The following PRKG1 variants were observed in gnomAD, a reference collection of about 807,000 sequenced individuals.
PRKG1 encodes cGMP-dependent protein kinase 1.
A neutral mutation model predicts 88.1 loss-of-function variants in PRKG1; 35 were observed. That is an observed-to-expected ratio of 0.40 (90% CI 0.30 to 0.53). PRKG1 has a LOEUF of 0.53. PRKG1 is among the 20% of genes least tolerant of loss of function. The pLI is 0.59. For missense variants in PRKG1, 540 were observed against 839.8 expected (o/e 0.64, Z 4.41); for synonymous variants, 303 against 292.5 (o/e 1.04, Z -0.37).
chr10:51,863,220 A>G (rs1029657935), intron 4 of PRKG1, among the ~76,000 whole-genome samples: 1 of 152,164 alleles, frequency 6.6e-6, no homozygotes, highest in African/African-American at 2.4e-5. Context: ...TTAACTTTCT[A>G]GAAAGCAGTA....
At chr10:51,624,030 C>T (rs1454785349) in intron 3 of PRKG1, among the ~76,000 whole-genome samples, 1 of 152,106 alleles carries the variant, frequency 6.6e-6, no homozygotes, top group Non-Finnish European at 1.5e-5. Context: ...CATCACATGT[C>T]CATTAACCAC....
chr10:52,038,142 G>A (rs1169085213), intron 5 of PRKG1, among the ~76,000 whole-genome samples: 2 of 152,100 alleles, frequency 1.3e-5, no homozygotes, highest in African/African-American at 4.8e-5. Flanking sequence ...AGAAAATAAG[G>A]CATTTAGGTT....
At chr10:51,856,921 G>A (rs941527081) in intron 4 of PRKG1, among the ~76,000 whole-genome samples, 5 of 146,910 alleles carry the variant, frequency 3.4e-5, no homozygotes, top group African/African-American at 7.4e-5. Context: ...CTGAGATTGC[G>A]CCACTGCACT....
intron 8 of PRKG1, among the ~76,000 whole-genome samples, chr10:52,150,449 C>T (rs1213030397): frequency 6.6e-6 from 1 of 152,026 alleles, no homozygotes; most frequent in Admixed American, 6.6e-5. Flanking sequence ...AGGGAACATC[C>T]ATGTAAAATA....
intron 1 of PRKG1, among the ~76,000 whole-genome samples, chr10:51,064,955 A>C (rs1002588449): frequency 1.3e-5 from 2 of 152,108 alleles, no homozygotes; most frequent in Non-Finnish European, 2.9e-5. Flanking sequence ...TTAGTGAAGG[A>C]ATTTTGCAGA....
At chr10:52,225,576 G>A (rs570388905) in intron 9 of PRKG1, among the ~76,000 whole-genome samples, 1 of 152,226 alleles carries the variant, frequency 6.6e-6, no homozygotes, top group South Asian at 2.1e-4. Context: ...CCAATGTCTA[G>A]AAGGGTTTTT....
At chr10:51,454,036 C>A (rs1436465990) in intron 2 of PRKG1, among the ~76,000 whole-genome samples, 2 of 151,886 alleles carry the variant, frequency 1.3e-5, no homozygotes, top group Non-Finnish European at 2.9e-5. Flanking sequence ...TATACCTAAC[C>A]AAAGAGGTGA....
chr10:51,698,478 G>C (rs1446196595), intron 3 of PRKG1: 1 of 1,614,022 alleles, frequency 6.2e-7, no homozygotes, highest in Non-Finnish European at 8.5e-7. Flanking sequence ...CCCTGATGGG[G>C]TGGACCCAGA....
intron 2 of PRKG1, among the ~76,000 whole-genome samples, chr10:51,383,519 G>C (rs760314442): frequency 1.3e-5 from 2 of 152,174 alleles, no homozygotes; most frequent in Non-Finnish European, 2.9e-5. Context: ...TGAGAAAACA[G>C]AGGCACACGG....
At chr10:52,191,239 A>C (rs1294369865) in intron 9 of PRKG1, among the ~76,000 whole-genome samples, 1 of 151,924 alleles carries the variant, frequency 6.6e-6, no homozygotes, top group African/African-American at 2.4e-5. Flanking sequence ...TGCAGCCTAG[A>C]CCTACTGGGC....
At chr10:51,888,351 T>C (rs1268267324) in intron 4 of PRKG1, among the ~76,000 whole-genome samples, 1 of 152,222 alleles carries the variant, frequency 6.6e-6, no homozygotes, top group East Asian at 1.9e-4. Context: ...GTTATTTTAG[T>C]CTAAGTAAAA....
intron 12 of PRKG1, among the ~76,000 whole-genome samples, chr10:52,278,605 A>G (rs1841927522): frequency 6.6e-6 from 1 of 152,156 alleles, no homozygotes. Flanking sequence ...TGGCACATAT[A>G]CACCATGGAA....
intron 3 of PRKG1, among the ~76,000 whole-genome samples, chr10:51,533,712 A>G (rs1354325091): frequency 6.6e-6 from 1 of 152,158 alleles, no homozygotes; most frequent in African/African-American, 2.4e-5. Context: ...TCTGGAGCCA[A>G]GGGTATCCAT....
chr10:52,047,589 G>A (rs959790768), intron 5 of PRKG1, among the ~76,000 whole-genome samples: 3 of 151,942 alleles, frequency 2.0e-5, no homozygotes, highest in Non-Finnish European at 4.4e-5. Flanking sequence ...GATAATCTAG[G>A]ACCAGTCATA....
At chr10:51,986,764 G>A (rs151213265) in intron 5 of PRKG1, among the ~76,000 whole-genome samples, 35 of 152,268 alleles carry the variant, frequency 2.3e-4, no homozygotes, top group African/African-American at 7.5e-4. Flanking sequence ...CTTAGAGCTC[G>A]TATGAGATAC....
At chr10:51,892,597 C>T (rs1841749438) in intron 4 of PRKG1, among the ~76,000 whole-genome samples, 1 of 152,192 alleles carries the variant, frequency 6.6e-6, no homozygotes, top group Admixed American at 6.5e-5. Flanking sequence ...AAATAGCAAA[C>T]TCACTTGCTG....
chr10:51,910,906 T>C (rs530257788), intron 5 of PRKG1: 1 of 152,204 alleles, frequency 6.6e-6, no homozygotes, highest in South Asian at 2.1e-4. Context: ...ATTTCTGGAG[T>C]AGGGCTATAA....
chr10:52,061,419 G>A (rs1846231921), intron 6 of PRKG1, among the ~76,000 whole-genome samples: 1 of 151,960 alleles, frequency 6.6e-6, no homozygotes, highest in African/African-American at 2.4e-5. Context: ...ACATTTTCCG[G>A]GTAGGTGAAT....
chr10:51,132,645 A>G (rs1427793121), intron 1 of PRKG1, among the ~76,000 whole-genome samples: 5 of 149,570 alleles, frequency 3.3e-5, no homozygotes, highest in African/African-American at 9.7e-5. Flanking sequence ...GTGTTTCTCC[A>G]GGAATGATTT....
Sources: allele counts gnomAD v4.1 joint callset (sites outside exome capture counted in the v4.1 genomes callset), GRCh38; gene constraint gnomAD v4.1.1; transcripts MANE v1.5; gene names NCBI Gene and HGNC (gene_info 2026-07-23, HGNC 2026-07-21).